Variants in FH observed in about 807,000 individuals in gnomAD.
The protein encoded by FH is fumarate hydratase, mitochondrial.
Under a neutral mutation model 49.4 loss-of-function variants are expected in FH, and 22 were observed. That is an observed-to-expected ratio of 0.45 (90% CI 0.32 to 0.64). The LOEUF is 0.64. Among genes scored for constraint, FH ranks in the 30% least tolerant of loss-of-function variants. The pLI is 0.05. For missense variants in FH, 526 were observed against 641.5 expected (o/e 0.82, Z 1.95); for synonymous variants, 208 against 223.0 (o/e 0.93, Z 0.60).
At chr1:241,517,563 A>G (rs1281923314) in intron 1 of FH, among the ~76,000 whole-genome samples, 2 of 152,214 alleles carry the variant, frequency 1.3e-5, no homozygotes, top group African/African-American at 2.4e-5. Flanking sequence ...GGTGATAAAC[A>G]TAAAGACTTT....
chr1:241,512,427 A>G (rs1294734148), intron 3 of FH, among the ~76,000 whole-genome samples: 1 of 152,218 alleles, frequency 6.6e-6, no homozygotes, highest in Non-Finnish European at 1.5e-5. Context: ...GTCTCTAGAT[A>G]TATTTGTTGC....
intron 3 of FH, among the ~76,000 whole-genome samples, chr1:241,512,543 A>C (rs977515672): frequency 6.6e-6 from 1 of 152,220 alleles, no homozygotes; most frequent in Admixed American, 6.5e-5. Context: ...CATTGCACAG[A>C]TGTCCAATGA....
At chr1:241,518,749 A>G (rs1660286414) in intron 1 of FH, among the ~76,000 whole-genome samples, 1 of 152,232 alleles carries the variant, frequency 6.6e-6, no homozygotes, top group Non-Finnish European at 1.5e-5. Flanking sequence ...AACGTTTCCT[A>G]ACAATATACA....
intron 4 of FH, among the ~76,000 whole-genome samples, chr1:241,510,670 AAAG>A (rs1389882577): frequency 1.3e-5 from 2 of 152,180 alleles, no homozygotes; most frequent in East Asian, 1.9e-4. Flanking sequence ...GTTTAAGGAA[AAAG>A]AAGATGTTTG....
intron 3 of FH, among the ~76,000 whole-genome samples, chr1:241,512,645 G>A (rs66626588): frequency 0.021 from 3,215 of 152,192 alleles, 53 homozygotes; most frequent in South Asian, 0.064. Flanking sequence ...GTTAGTTTTT[G>A]GATGGTGTGC....
At chr1:241,513,576 T>C in intron 3 of FH, 27 bp downstream of exon 3, 2 of 1,526,814 alleles carry the variant, frequency 1.3e-6, no homozygotes, top group Non-Finnish European at 1.8e-6. Context: ...CTGAGGTTAT[T>C]AAGCAAACAC....
At chr1:241,499,110 A>G (rs1383926917) in intron 9 of FH, among the ~76,000 whole-genome samples, 3 of 152,100 alleles carry the variant, frequency 2.0e-5, no homozygotes, top group Non-Finnish European at 4.4e-5. Flanking sequence ...TAATGGCTTT[A>G]AAGTCTAAGC....
In FH at chr1:241,506,180, A is replaced by C. The variant is rs2147917795; in HGVS notation, c.739-12T>G. The C allele has an allele frequency of 6.3e-7, 1 of 1,599,100 alleles. No individual in the cohort carries two copies. Among genetic ancestry groups the C allele is most frequent in the East Asian group, 2.2e-5 (1 of 44,694 alleles). On this transcript the variant is annotated splice_polypyrimidine_tract_variant and intron_variant, in intron 5 of 9. Coordinates refer to ENST00000366560, the MANE Select transcript of FH (RefSeq NM_000143.4). ...TAACCACTAAATTCCTGAAAAGAAA[A>C]GAAAATTAAGGTAAGAATAAGTAAT... is the stretch of plus-strand genomic sequence containing the variant.
chr1:241,500,111 C>T (rs1180750998), intron 9 of FH, among the ~76,000 whole-genome samples: 1 of 152,180 alleles, frequency 6.6e-6, no homozygotes, highest in African/African-American at 2.4e-5. Flanking sequence ...ACATTACCCA[C>T]TGAAGGTCTT....
chr1:241,504,036 G>A lies in FH; in HGVS notation c.1108+6C>T. On this transcript the variant is annotated splice_donor_region_variant and intron_variant, in intron 7 of 9. Coordinates refer to ENST00000366560, the MANE Select transcript of FH (RefSeq NM_000143.4). ...TAGCTCCAACATTTACTAGCTATGT[G>A]ATTACCTGGCATGATACTGCTTCCT... The A allele has an allele frequency of 6.2e-7, 1 of 1,612,710 alleles. No homozygotes were observed. Among genetic ancestry groups the A allele is most frequent in the Non-Finnish European group, 8.5e-7 (1 of 1,179,164 alleles).
intron 3 of FH, 102 bp from the exon 4 acceptor site, chr1:241,512,245 A>G: frequency 1.0e-6 from 1 of 980,728 alleles, no homozygotes; most frequent in East Asian, 2.5e-5. Context: ...AAGCTTCTGA[A>G]GCATCACTTG....
chr1:241,500,585 T>G lies in FH; in HGVS notation c.1242A>C (p.Lys414Asn). Residue 414 changes from lysine (K) to asparagine (N), a missense_variant, in exon 9 of 10, where the codon AAA becomes AAC. This residue lies in a region of FH where 383 missense variants were observed against 514.0 expected (regional missense o/e 0.75). Coordinates refer to ENST00000366560, the MANE Select transcript of FH (RefSeq NM_000143.4). ...ELNVFKPMMIKNVLHSARLLG... is the reference protein window; with the variant it reads ...ELNVFKPMMINNVLHSARLLG... The stretch of plus-strand genomic sequence containing the variant: ...GCAGCCTGGCTGAGTGTAACACATT[T>G]TTAATCTTTGAGTGAGTGAGAGAGA... 6.3e-7 allele frequency: 1 copy of G among 1,583,160 alleles called. No individual in the cohort carries two copies. The highest frequency in any genetic ancestry group is 1.1e-5 in the South Asian group (1 of 90,200).
chr1:241,511,494 G>C (rs1274757002), intron 4 of FH, among the ~76,000 whole-genome samples: 1 of 152,018 alleles, frequency 6.6e-6, no homozygotes, highest in African/African-American at 2.4e-5. Flanking sequence ...GTAATGTATA[G>C]CATTGATTGG....
chr1:241,499,356 T>C (rs960305108), intron 9 of FH, among the ~76,000 whole-genome samples: 1 of 152,208 alleles, frequency 6.6e-6, no homozygotes, highest in Non-Finnish European at 1.5e-5. Context: ...AATTTAAAGT[T>C]TTGGTAACAC....
intron 5 of FH, among the ~76,000 whole-genome samples, chr1:241,507,977 A>G (rs1450233345): frequency 6.6e-6 from 1 of 152,228 alleles, no homozygotes; most frequent in Non-Finnish European, 1.5e-5. Flanking sequence ...TAAGGCATTG[A>G]AAAAGAAACA....
intron 8 of FH, among the ~76,000 whole-genome samples, chr1:241,501,555 C>T (rs772612266): frequency 1.4e-4 from 22 of 152,072 alleles, no homozygotes; most frequent in Non-Finnish European, 2.2e-4. Flanking sequence ...CTTTTCATTG[C>T]TCTATCTCTA....
chr1:241,519,253 GC>G (rs1660301965), intron 1 of FH: 1 of 281,128 alleles, frequency 3.6e-6, no homozygotes, highest in Non-Finnish European at 6.8e-6. Flanking sequence ...GGGGCTGGGG[GC>G]CTGCGCGCCA....
rs56361117 is a variant in FH, at chr1:241,498,694, CATAT to C, written c.1391-728_1391-725del. 6.3e-3 allele frequency among the ~76,000 whole-genome samples: 335 copies of C among 53,024 alleles called. 2 individuals are homozygous for C. The highest frequency in any genetic ancestry group is 0.01 in the Middle Eastern group (1 of 100). The allele number at this position is 53,024 out of a possible 152,430, so 34.8% of individuals were successfully genotyped here. ...AGGGCAGTTCTGCAAGCTGTCTTAA[CATAT>C]ATATATATATATATATATATATATA... is the stretch of plus-strand genomic sequence containing the variant. On this transcript the variant is annotated intron_variant, in intron 9 of 9. Transcript: ENST00000366560.
In FH at chr1:241,519,627, G is replaced by T. The variant is rs750087000; in HGVS notation, c.96C>A (p.Ala32=). Residue 32 remains alanine (A), a synonymous_variant, in exon 1 of 10, where the codon GCC becomes GCA. Coordinates refer to ENST00000366560, the MANE Select transcript of FH (RefSeq NM_000143.4). ...CGTTCGGAGGCCAAAACGAGGGCACGGCCGCGCCACCCAAGCCGGGAGCCG... is the reference window on the plus strand; with the variant it reads ...CGTTCGGAGGCCAAAACGAGGGCACTGCCGCGCCACCCAAGCCGGGAGCCG... ...LASAPGLGGA[A]VPSFWPPNAA... 9 of 1,547,708 alleles carry T rather than the reference G, an allele frequency of 5.8e-6. No homozygotes were observed. Among genetic ancestry groups the T allele is most frequent in the Non-Finnish European group, 7.0e-6 (8 of 1,146,502 alleles).
Sources: allele counts gnomAD v4.1 joint callset (sites outside exome capture counted in the v4.1 genomes callset), GRCh38; gene constraint gnomAD v4.1.1; regional missense constraint gnomAD v4.1.1; transcripts MANE v1.5; gene names NCBI Gene and HGNC (gene_info 2026-07-23, HGNC 2026-07-21).